MID1: variants seen among roughly 807,000 people sequenced by gnomAD.
MID1 encodes the protein midline 1.
In MID1, 7 loss-of-function variants were observed where a neutral mutation model predicts 40.4. The observed-to-expected ratio is 0.17, with a 90% CI of 0.10 to 0.33. MID1 has a LOEUF of 0.33. Among genes scored for constraint, MID1 ranks in the 10% least tolerant of loss-of-function variants. The pLI, the probability that MID1 is intolerant of heterozygous loss-of-function variation, is 1.00. For missense variants in MID1, 367 were observed against 558.5 expected, an observed-to-expected ratio of 0.66 and a Z score of 3.46; for synonymous variants, 229 against 221.2, an observed-to-expected ratio of 1.04 and a Z score of -0.31.
intron 1 of MID1, among the ~76,000 whole-genome samples, chrX:10,661,588 C>T (rs778621399): frequency 4.5e-4 from 50 of 111,292 alleles, no homozygotes; most frequent in African/African-American, 1.6e-3. Flanking sequence ...GCTGGGATTA[C>T]AGGCATGAGC....
chrX:10,831,894 G>A (rs749618161), intron 1 of MID1, among the ~76,000 whole-genome samples: 3 of 112,314 alleles, frequency 2.7e-5, no homozygotes, highest in South Asian at 7.4e-4. Flanking sequence ...CAGGAAAAAC[G>A]GCAGACGTGC....
intron 1 of MID1, among the ~76,000 whole-genome samples, chrX:10,661,604 C>T (rs190046856): frequency 1.8e-5 from 2 of 111,310 alleles, no homozygotes; most frequent in African/African-American, 6.5e-5. Context: ...TGAGCCACCG[C>T]ACCCGGCATT....
intron 1 of MID1, among the ~76,000 whole-genome samples, chrX:10,773,062 A>G: frequency 8.9e-6 from 1 of 112,133 alleles, no homozygotes; most frequent in Admixed American, 9.5e-5. Flanking sequence ...AAAGTACATT[A>G]AAATATTTTA....
intron 2 of MID1, among the ~76,000 whole-genome samples, chrX:10,524,865 T>G (rs1367086174): frequency 8.9e-6 from 1 of 111,957 alleles, no homozygotes; most frequent in Non-Finnish European, 1.9e-5. Context: ...GAAGTGAGCA[T>G]GTGGAAGAAT....
chrX:10,510,585 C>A (rs971120442), intron 3 of MID1, among the ~76,000 whole-genome samples: 2 of 111,124 alleles, frequency 1.8e-5, no homozygotes, highest in African/African-American at 6.6e-5. Flanking sequence ...GTAATCCCAG[C>A]ACTTTGGGAG....
At chrX:10,741,509 A>C (rs2043523406) in intron 1 of MID1, among the ~76,000 whole-genome samples, 1 of 109,545 alleles carries the variant, frequency 9.1e-6, no homozygotes, top group Non-Finnish European at 1.9e-5. Context: ...GGTTAAAAGA[A>C]AGAAGATTTC....
chrX:10,596,783 A>C (rs536362202), intron 1 of MID1, among the ~76,000 whole-genome samples: 1 of 112,340 alleles, frequency 8.9e-6, no homozygotes, highest in Admixed American at 9.4e-5. Context: ...TCCAAAGTAA[A>C]TAGGACTAAG....
chrX:10,806,211 T>A (rs918211422), intron 1 of MID1, among the ~76,000 whole-genome samples: 3 of 110,860 alleles, frequency 2.7e-5, no homozygotes, highest in South Asian at 3.8e-4. Context: ...TTTAGGTCTA[T>A]CGTTTAAGTC....
chrX:10,586,268 T>G (rs1261860531), intron 1 of MID1, among the ~76,000 whole-genome samples: 1 of 111,516 alleles, frequency 9.0e-6, no homozygotes, highest in Non-Finnish European at 1.9e-5. Flanking sequence ...AAGTCCAAAT[T>G]TTAAGGAAAA....
At chrX:10,572,167 CTA>C (rs1286898637) in intron 1 of MID1, among the ~76,000 whole-genome samples, 6 of 87,989 alleles carry the variant, frequency 6.8e-5, no homozygotes, top group Non-Finnish European at 8.3e-5. Context: ...CTCTCTCTCT[CTA>C]TATATATATG....
At chrX:10,458,072 T>C (rs1427161130) in intron 8 of MID1, among the ~76,000 whole-genome samples, 1 of 112,550 alleles carries the variant, frequency 8.9e-6, no homozygotes, top group African/African-American at 3.2e-5. Flanking sequence ...AAGCACACCT[T>C]AGGGAGTTGA....
chrX:10,459,896 G>C, intron 7 of MID1, 89 bp from the exon 8 acceptor site: 7 of 967,114 alleles, frequency 7.2e-6, no homozygotes, highest in Non-Finnish European at 1.0e-5. Context: ...CCATTTATTT[G>C]AATAGAGTTG....
chrX:10,586,548 G>A (rs767189711), intron 1 of MID1, among the ~76,000 whole-genome samples: 1 of 112,342 alleles, frequency 8.9e-6, no homozygotes, highest in South Asian at 3.7e-4. Context: ...GGTTTAGAGT[G>A]TTGCAAACTT....
chrX:10,657,090 A>C lies in MID1; in HGVS notation c.-186-36671T>G, dbSNP rs1321885440. Among the ~76,000 whole-genome samples the C allele has an allele frequency of 2.7e-5, 3 of 111,288 alleles. No individual in the cohort carries two copies. In the Admixed American group the frequency reaches 2.9e-4, roughly 11 times the overall value. ...ATGTCTCCCACTTCTACCACTGTGC[A>C]GTCCTCATGCAGTGACTGGCCAGAA... On this transcript the variant is annotated intron_variant, in intron 1 of 10. Coordinates refer to the MID1 transcript ENST00000380785.
At chrX:10,681,702 G>A (rs939941252) in intron 1 of MID1, among the ~76,000 whole-genome samples, 3 of 111,384 alleles carry the variant, frequency 2.7e-5, no homozygotes, top group African/African-American at 9.8e-5. Context: ...CTCTTGGTGG[G>A]GCATGGTGAG....
chrX:10,664,459 C>T (rs1278901358), intron 1 of MID1, among the ~76,000 whole-genome samples: 1 of 112,159 alleles, frequency 8.9e-6, no homozygotes, highest in Non-Finnish European at 1.9e-5. Flanking sequence ...CATGAGCCAC[C>T]ACGCCCAGCA....
chrX:10,603,249 G>A (rs1234710554), intron 1 of MID1, among the ~76,000 whole-genome samples: 1 of 111,295 alleles, frequency 9.0e-6, no homozygotes, highest in African/African-American at 3.3e-5. Flanking sequence ...AATAGCCATG[G>A]GGTATCAGAC....
chrX:10,759,600 T>A (rs2043661560), intron 1 of MID1, among the ~76,000 whole-genome samples: 1 of 110,545 alleles, frequency 9.0e-6, no homozygotes, highest in Non-Finnish European at 1.9e-5. Flanking sequence ...AGTGCCCTGA[T>A]GTTTCTTCAC....
At chrX:10,631,007 C>A (rs1415506845) in intron 1 of MID1, among the ~76,000 whole-genome samples, 2 of 111,555 alleles carry the variant, frequency 1.8e-5, no homozygotes, top group Non-Finnish European at 3.8e-5. Flanking sequence ...GAGGGGCAGT[C>A]TGGAGGCTTT....
Sources: allele counts gnomAD v4.1 joint callset (sites outside exome capture counted in the v4.1 genomes callset), GRCh38; gene constraint gnomAD v4.1.1; transcripts MANE v1.5; gene names NCBI Gene and HGNC (gene_info 2026-07-23, HGNC 2026-07-21).